The following KCNT2 variants were observed in gnomAD, a reference collection of about 807,000 sequenced individuals.
KCNT2 encodes the protein potassium sodium-activated channel subfamily T member 2.
Under a neutral mutation model 153.8 loss-of-function variants are expected in KCNT2, and 67 were observed. That is an observed-to-expected ratio of 0.44 (90% CI 0.36 to 0.53). KCNT2 has a LOEUF of 0.53. Ranked by LOEUF, KCNT2 falls within the 20% of genes least tolerant of loss-of-function variation. The pLI is 0.00. For missense variants in KCNT2, 975 were observed against 1,354.8 expected, an observed-to-expected ratio of 0.72 and a Z score of 4.40; for synonymous variants, 500 against 458.8, an observed-to-expected ratio of 1.09 and a Z score of -1.15.
chr1:196,545,419 G>C (rs553354153), intron 1 of KCNT2, among the ~76,000 whole-genome samples: 20 of 152,104 alleles, frequency 1.3e-4, no homozygotes, highest in African/African-American at 4.6e-4. Context: ...AATAGTTTAG[G>C]GGAGACTGAG....
chr1:196,532,674 G>A (rs1431266074), intron 1 of KCNT2, among the ~76,000 whole-genome samples: 6 of 151,978 alleles, frequency 3.9e-5, no homozygotes, highest in Non-Finnish European at 5.9e-5. Flanking sequence ...GAACTCTAGC[G>A]TGTTTAATGA....
intron 17 of KCNT2, among the ~76,000 whole-genome samples, chr1:196,333,479 G>A (rs1664689013): frequency 6.6e-6 from 1 of 152,058 alleles, no homozygotes; most frequent in African/African-American, 2.4e-5. Context: ...ACTTCAATAT[G>A]GATGTGCAAT....
chr1:196,420,993 C>T (rs1445722313), intron 12 of KCNT2, among the ~76,000 whole-genome samples: 5 of 151,980 alleles, frequency 3.3e-5, no homozygotes, highest in Admixed American at 3.3e-4. Context: ...ATACATATAA[C>T]CCTACATTCA....
intron 22 of KCNT2, among the ~76,000 whole-genome samples, chr1:196,302,560 G>C (rs544293012): frequency 1.3e-5 from 2 of 152,192 alleles, no homozygotes; most frequent in Admixed American, 1.3e-4. Context: ...ACTATCTTCT[G>C]TTTCCCTTCA....
At chr1:196,458,005 C>T (rs1486105201) in intron 8 of KCNT2, among the ~76,000 whole-genome samples, 1 of 151,870 alleles carries the variant, frequency 6.6e-6, no homozygotes, top group Non-Finnish European at 1.5e-5. Context: ...GTGCAGATAA[C>T]GCACGAGACT....
intron 1 of KCNT2, among the ~76,000 whole-genome samples, chr1:196,542,265 T>G (rs1320523412): frequency 6.6e-6 from 1 of 152,174 alleles, no homozygotes; most frequent in Non-Finnish European, 1.5e-5. Flanking sequence ...TTTTAAGAAC[T>G]GACCCAAATA....
At chr1:196,314,062 G>A (rs1662462365) in intron 21 of KCNT2, among the ~76,000 whole-genome samples, 1 of 151,504 alleles carries the variant, frequency 6.6e-6, no homozygotes, top group African/African-American at 2.4e-5. Flanking sequence ...GATTACTATG[G>A]TGAGTTAATT....
At chr1:196,536,763 C>T (rs898722508) in intron 1 of KCNT2, among the ~76,000 whole-genome samples, 22 of 152,172 alleles carry the variant, frequency 1.4e-4, no homozygotes, top group African/African-American at 5.3e-4. Flanking sequence ...TATCCTGTCA[C>T]ACTCTCACTA....
At chr1:196,288,780 T>C (rs910297168) in intron 22 of KCNT2, among the ~76,000 whole-genome samples, 2 of 152,080 alleles carry the variant, frequency 1.3e-5, no homozygotes, top group Non-Finnish European at 2.9e-5. Context: ...TGGAGGAAGA[T>C]CAGATCACAA....
intron 1 of KCNT2, among the ~76,000 whole-genome samples, chr1:196,583,356 G>C (rs945133308): frequency 6.6e-6 from 1 of 152,040 alleles, no homozygotes; most frequent in African/African-American, 2.4e-5. Flanking sequence ...GTTTCAAAGA[G>C]ATGACAAAAT....
chr1:196,247,667 T>C (rs1655574681), intron 26 of KCNT2, among the ~76,000 whole-genome samples: 1 of 152,076 alleles, frequency 6.6e-6, no homozygotes, highest in Non-Finnish European at 1.5e-5. Context: ...AACCATCAGA[T>C]CTTGTGAGAA....
chr1:196,579,323 G>A (rs1661742282), intron 1 of KCNT2, among the ~76,000 whole-genome samples: 1 of 151,988 alleles, frequency 6.6e-6, no homozygotes, highest in Admixed American at 6.6e-5. Context: ...GGGCCTACTT[G>A]AGGATGGAGG....
At chr1:196,460,391 A>G (rs2148648612) in intron 8 of KCNT2, among the ~76,000 whole-genome samples, 1 of 151,904 alleles carries the variant, frequency 6.6e-6, no homozygotes, top group East Asian at 1.9e-4. Flanking sequence ...GAAATGCTTA[A>G]CTTATAATAT....
intron 1 of KCNT2, among the ~76,000 whole-genome samples, chr1:196,513,961 T>C (rs1681846855): frequency 6.6e-6 from 1 of 152,204 alleles, no homozygotes; most frequent in African/African-American, 2.4e-5. Context: ...CTTAGTGCTT[T>C]GCAAGAATAA....
intron 1 of KCNT2, among the ~76,000 whole-genome samples, chr1:196,514,813 A>G (rs763961498): frequency 1.3e-5 from 2 of 152,172 alleles, no homozygotes; most frequent in Non-Finnish European, 2.9e-5. Context: ...CCATAACTTT[A>G]TTAATTCTGC....
chr1:196,516,677 T>C (rs1248226336), intron 1 of KCNT2, among the ~76,000 whole-genome samples: 2 of 152,150 alleles, frequency 1.3e-5, no homozygotes, highest in African/African-American at 4.8e-5. Context: ...TCCTCCTTAC[T>C]GGGTGGGACC....
chr1:196,582,468 A>C (rs912396911), intron 1 of KCNT2: 1 of 154,316 alleles, frequency 6.5e-6, no homozygotes, highest in South Asian at 2.0e-4. Flanking sequence ...AAGGTGTTCA[A>C]ATTAGGCACT....
At chr1:196,267,506 A>T (rs553186395) in intron 25 of KCNT2, among the ~76,000 whole-genome samples, 5 of 152,270 alleles carry the variant, frequency 3.3e-5, no homozygotes, top group Middle Eastern at 3.4e-3. Flanking sequence ...AAACTGGCCC[A>T]CACTGAATTA....
chr1:196,290,194 A>G (rs1002873652), intron 22 of KCNT2, among the ~76,000 whole-genome samples: 13 of 152,018 alleles, frequency 8.6e-5, no homozygotes, highest in African/African-American at 3.1e-4. Context: ...TCTGGACCCA[A>G]TCATAATGTA....
Sources: gnomAD v4.1 joint callset for allele counts (sites outside exome capture counted in the v4.1 genomes callset) on GRCh38, gnomAD v4.1.1 for gene constraint, MANE v1.5 for transcripts, NCBI Gene and HGNC (gene_info 2026-07-23, HGNC 2026-07-21) for gene names.